Variants in CERS6 observed in about 807,000 individuals in gnomAD.
The protein encoded by CERS6 is ceramide synthase 6.
In CERS6, 26 loss-of-function variants were observed where a neutral mutation model predicts 56.8. The ratio of observed to expected loss-of-function variants is 0.46; its 90% confidence interval spans 0.34 to 0.63. The LOEUF is 0.63. Ranked by LOEUF, CERS6 falls within the 30% of genes least tolerant of loss-of-function variation. The probability of loss-of-function intolerance (pLI) is 0.01; values close to 1 mark genes in which losing one functional copy is unlikely to be tolerated. For missense variants in CERS6, 415 were observed against 467.5 expected, an observed-to-expected ratio of 0.89 and a Z score of 1.04; for synonymous variants, 164 against 173.3, an observed-to-expected ratio of 0.95 and a Z score of 0.42.
intron 1 of CERS6, among the ~76,000 whole-genome samples, chr2:168,508,881 A>C (rs981979168): frequency 1.8e-4 from 28 of 152,216 alleles, no homozygotes; most frequent in African/African-American, 6.5e-4. Flanking sequence ...TAAATTTTAA[A>C]AAGTATCTTA....
chr2:168,723,692 G>C (rs887184634), intron 8 of CERS6, among the ~76,000 whole-genome samples: 13 of 152,136 alleles, frequency 8.5e-5, no homozygotes, highest in African/African-American at 3.1e-4. Flanking sequence ...TGTTAATACT[G>C]TTATGAGTTT....
chr2:168,601,361 C>T (rs1002254985), intron 3 of CERS6, among the ~76,000 whole-genome samples: 13 of 152,180 alleles, frequency 8.5e-5, no homozygotes, highest in African/African-American at 3.1e-4. Context: ...TTAAATTAAA[C>T]TTAATTTGCA....
At chr2:168,542,306 G>C (rs1473852477) in intron 1 of CERS6, among the ~76,000 whole-genome samples, 3 of 152,180 alleles carry the variant, frequency 2.0e-5, no homozygotes, top group Non-Finnish European at 4.4e-5. Context: ...TCTTTACCCA[G>C]TTACCTATAA....
chr2:168,632,594 C>T (rs1201897473), intron 4 of CERS6, among the ~76,000 whole-genome samples: 1 of 152,168 alleles, frequency 6.6e-6, no homozygotes, highest in Non-Finnish European at 1.5e-5. Context: ...AAATTCTCAA[C>T]TGGAGTAAAT....
intron 1 of CERS6, among the ~76,000 whole-genome samples, chr2:168,465,492 T>C (rs150952235): frequency 6.6e-6 from 1 of 152,318 alleles, no homozygotes; most frequent in East Asian, 1.9e-4. Flanking sequence ...TTATTAGGTT[T>C]CAACGTGAAT....
At chr2:168,663,771 TA>T (rs35070293) in intron 4 of CERS6, among the ~76,000 whole-genome samples, 2 of 151,794 alleles carry the variant, frequency 1.3e-5, no homozygotes, top group African/African-American at 4.8e-5. Flanking sequence ...ATATATACTT[TA>T]AAAAAAATCT....
rs576734739 is a variant in CERS6 at position 168,656,403 on chromosome 2, G to A, written c.465+25361G>A. Among the ~76,000 whole-genome samples the A allele has an allele frequency of 4.1e-4, 63 of 152,284 alleles. No homozygotes were observed. In the East Asian group the frequency reaches 0.011, roughly 28 times the overall value. On this transcript the variant is annotated intron_variant, in intron 4 of 9. Coordinates refer to ENST00000305747, the MANE Select transcript of CERS6 (RefSeq NM_203463.3). ...AAGAATGAAGCCGTGGACCCTCGCG[G>A]TGAGTGTTACAGCTCTTAAGGTGGC...
chr2:168,700,439 A>G (rs1334845822), intron 6 of CERS6, among the ~76,000 whole-genome samples: 5 of 152,230 alleles, frequency 3.3e-5, no homozygotes, highest in Non-Finnish European at 2.9e-5. Flanking sequence ...ATAATGACCC[A>G]GTAAGGAAAG....
intron 3 of CERS6, among the ~76,000 whole-genome samples, chr2:168,588,719 A>C (rs1683604111): frequency 6.6e-6 from 1 of 152,184 alleles, no homozygotes; most frequent in African/African-American, 2.4e-5. Flanking sequence ...CTGGATGTAC[A>C]AATAGTTGTT....
chr2:168,466,336 A>G (rs1456671821), intron 1 of CERS6, among the ~76,000 whole-genome samples: 2 of 152,208 alleles, frequency 1.3e-5, no homozygotes, highest in East Asian at 3.8e-4. Flanking sequence ...TACACAATCC[A>G]TTTAAAGCAA....
At chr2:168,694,829 A>G (rs1298715248) in intron 5 of CERS6, 130 bp from the exon 6 acceptor site, 2 of 668,468 alleles carry the variant, frequency 3.0e-6, no homozygotes, top group Non-Finnish European at 5.3e-6. Context: ...TACAAAAAGA[A>G]TAGGACAGGA....
chr2:168,563,340 C>T (rs1695826172), intron 3 of CERS6, among the ~76,000 whole-genome samples: 1 of 152,170 alleles, frequency 6.6e-6, no homozygotes, highest in Non-Finnish European at 1.5e-5. Context: ...ATTAAAAATG[C>T]TTCTAAATGA....
intron 3 of CERS6, among the ~76,000 whole-genome samples, chr2:168,579,320 A>G (rs915891796): frequency 2.0e-5 from 3 of 152,126 alleles, no homozygotes; most frequent in African/African-American, 7.2e-5. Flanking sequence ...TAGATAAAAC[A>G]TATGGGATAT....
intron 3 of CERS6, among the ~76,000 whole-genome samples, chr2:168,627,920 ATGTATC>A (rs1414387283): frequency 6.6e-6 from 1 of 151,786 alleles, no homozygotes; most frequent in African/African-American, 2.4e-5. Flanking sequence ...TTTATACTGT[ATGTATC>A]TGTGTTCCTC....
At chr2:168,761,858 A>G (rs1559084407) in intron 8 of CERS6, among the ~76,000 whole-genome samples, 2 of 152,116 alleles carry the variant, frequency 1.3e-5, no homozygotes, top group African/African-American at 4.8e-5. Context: ...TAATTTAGTC[A>G]TTTTTACAAA....
At chr2:168,506,245 GT>G (rs1050506842) in intron 1 of CERS6, among the ~76,000 whole-genome samples, 3 of 151,964 alleles carry the variant, frequency 2.0e-5, no homozygotes, top group African/African-American at 4.8e-5. Flanking sequence ...CTGTCTGACA[GT>G]TTTTTTTCAA....
At chr2:168,644,261 A>G (rs1210042468) in intron 4 of CERS6, 1 of 969,768 alleles carries the variant, frequency 1.0e-6, no homozygotes, top group Non-Finnish European at 1.2e-6. Context: ...GTGACTGAGG[A>G]TGAAGGAAGC....
At chr2:168,747,158 T>C (rs1299834120) in intron 8 of CERS6, among the ~76,000 whole-genome samples, 2 of 152,044 alleles carry the variant, frequency 1.3e-5, no homozygotes, top group African/African-American at 4.8e-5. Context: ...TGATGGTGCA[T>C]GCCTATGGTC....
intron 8 of CERS6, 103 bp downstream of exon 8, chr2:168,718,081 A>G (rs1574187648): frequency 1.3e-6 from 1 of 760,912 alleles, no homozygotes; most frequent in Non-Finnish European, 2.1e-6. Context: ...AGGTTTAAAT[A>G]TATTGGGGGG....
Sources: allele counts gnomAD v4.1 joint callset (sites outside exome capture counted in the v4.1 genomes callset), GRCh38; gene constraint gnomAD v4.1.1; transcripts MANE v1.5; gene names NCBI Gene and HGNC (gene_info 2026-07-23, HGNC 2026-07-21).